Variants in WDFY1 observed in about 807,000 individuals in gnomAD.
WDFY1 encodes the protein WD repeat and FYVE domain-containing protein 1.
In WDFY1, 32 loss-of-function variants were observed where a neutral mutation model predicts 56.4. The observed-to-expected ratio is 0.57, with a 90% CI of 0.43 to 0.76. The LOEUF (loss-of-function observed/expected upper bound fraction) is 0.76, where lower values mean the gene tolerates loss of function less well. WDFY1 is among the 30% of genes least tolerant of loss of function. The pLI is 0.00. For missense variants in WDFY1, 480 were observed against 545.7 expected, an observed-to-expected ratio of 0.88 and a Z score of 1.20; for synonymous variants, 192 against 197.3, an observed-to-expected ratio of 0.97 and a Z score of 0.23.
rs920710357 is a variant in WDFY1, at chr2:223,888,448, C to T, written c.832-3699G>A. Among the ~76,000 whole-genome samples, 3 of 152,162 alleles carry T rather than the reference C, an allele frequency of 2.0e-5. No individual in the cohort carries two copies. The South Asian group carries it at 6.2e-4, about 31-fold the overall frequency. ...TCAATTACCCAGAGCATTCCTTTAACACAAAAGGCCTCTATCTCCAGCAAT... is the reference window on the plus strand; with the variant it reads ...TCAATTACCCAGAGCATTCCTTTAATACAAAAGGCCTCTATCTCCAGCAAT... On this transcript the variant is annotated intron_variant, in intron 8 of 11. Coordinates refer to ENST00000233055, the MANE Select transcript of WDFY1 (RefSeq NM_020830.5).
intron 2 of WDFY1, among the ~76,000 whole-genome samples, chr2:223,913,882 G>A (rs1385895869): frequency 6.6e-6 from 1 of 151,378 alleles, no homozygotes; most frequent in Non-Finnish European, 1.5e-5. Context: ...TAATATCCTG[G>A]CTCTCTCCCT....
chr2:223,906,226 G>C (rs1467573322), intron 3 of WDFY1, among the ~76,000 whole-genome samples: 1 of 152,194 alleles, frequency 6.6e-6, no homozygotes, highest in African/African-American at 2.4e-5. Flanking sequence ...AAGTGCTGCT[G>C]ATCAGCATGG....
intron 1 of WDFY1, among the ~76,000 whole-genome samples, 186 bp from the exon 2 acceptor site, chr2:223,918,196 TTATA>T (rs1003285552): frequency 1.3e-5 from 2 of 151,782 alleles, no homozygotes; most frequent in African/African-American, 2.4e-5. Context: ...AACATATATA[TTATA>T]TACAGATACA....
intron 7 of WDFY1, 39 bp from the exon 8 acceptor site, chr2:223,894,378 G>A (rs768088759): frequency 1.2e-5 from 20 of 1,604,052 alleles, no homozygotes; most frequent in South Asian, 3.3e-5. Flanking sequence ...GTCTCCATGC[G>A]GAAAAACACA....
intron 6 of WDFY1, among the ~76,000 whole-genome samples, chr2:223,898,424 G>C (rs1003627648): frequency 1.3e-5 from 2 of 152,046 alleles, no homozygotes; most frequent in East Asian, 3.9e-4. Context: ...TTTTGAGACA[G>C]AGTCTCACTC....
chr2:223,886,292 T>A (rs1693173122), intron 8 of WDFY1, among the ~76,000 whole-genome samples: 1 of 151,848 alleles, frequency 6.6e-6, no homozygotes, highest in Admixed American at 6.6e-5. Flanking sequence ...TGAGCCAAGA[T>A]CATGCCATTG....
chr2:223,938,497 TCTTAAA>T (rs1689241138), intron 1 of WDFY1, among the ~76,000 whole-genome samples: 1 of 152,188 alleles, frequency 6.6e-6, no homozygotes, highest in African/African-American at 2.4e-5. Context: ...TAGTTCAAAT[TCTTAAA>T]CTTAAATTTA....
intron 3 of WDFY1, among the ~76,000 whole-genome samples, chr2:223,907,395 T>G (rs1693615473): frequency 6.6e-6 from 1 of 152,212 alleles, no homozygotes; most frequent in Admixed American, 6.5e-5. Flanking sequence ...TCCATCTTGT[T>G]TTTGTAAAGT....
At chr2:223,896,986 C>T (rs1693392241) in intron 6 of WDFY1, among the ~76,000 whole-genome samples, 1 of 152,146 alleles carries the variant, frequency 6.6e-6, no homozygotes, top group African/African-American at 2.4e-5. Flanking sequence ...TAGTCATAAA[C>T]AGAAAGTGGT....
At chr2:223,940,738 G>A (rs566930877) in intron 1 of WDFY1, among the ~76,000 whole-genome samples, 1 of 152,126 alleles carries the variant, frequency 6.6e-6, no homozygotes, top group African/African-American at 2.4e-5. Flanking sequence ...CGCCTCCCAG[G>A]TTCAAGTGAT....
In WDFY1 at chr2:223,945,239, G is replaced by A; in HGVS notation, c.46C>T (p.Leu16=). The A allele has an allele frequency of 6.3e-7, 1 of 1,591,952 alleles. No individual in the cohort carries two copies. Among genetic ancestry groups the A allele is most frequent in the Middle Eastern group, 1.8e-4 (1 of 5,598 alleles). The change falls in exon 1 of 12, where the codon CTG becomes TTG. Residue 16 remains leucine, a synonymous_variant. Coordinates refer to ENST00000233055, the MANE Select transcript of WDFY1 (RefSeq NM_020830.5). ...TGGTGCCCCTCGATCTTGCTCAGCAGCACCGGGCGGCTGCTCTGCGGCCTG... is the reference window on the plus strand; with the variant it reads ...TGGTGCCCCTCGATCTTGCTCAGCAACACCGGGCGGCTGCTCTGCGGCCTG... ...HSRPQSSRPV[L]LSKIEGHQDA...
At chr2:223,919,578 C>T (rs377656274) in intron 1 of WDFY1, among the ~76,000 whole-genome samples, 330 of 152,254 alleles carry the variant, frequency 2.2e-3, no homozygotes, top group Non-Finnish European at 4.2e-3. Flanking sequence ...GGTGCAATCA[C>T]GGCTCATAGC....
At chr2:223,921,715 T>G (rs992905570) in intron 1 of WDFY1, among the ~76,000 whole-genome samples, 7 of 152,114 alleles carry the variant, frequency 4.6e-5, no homozygotes, top group Non-Finnish European at 8.8e-5. Flanking sequence ...CTCAGCCTCC[T>G]GAGCAGCTGG....
intron 1 of WDFY1, among the ~76,000 whole-genome samples, chr2:223,934,298 C>T (rs1393420241): frequency 6.6e-6 from 1 of 151,906 alleles, no homozygotes; most frequent in East Asian, 2.0e-4. Flanking sequence ...ACCACATTGG[C>T]CAGGCTGGTG....
intron 3 of WDFY1, among the ~76,000 whole-genome samples, chr2:223,907,131 C>A (rs1216545023): frequency 6.6e-6 from 1 of 151,938 alleles, no homozygotes; most frequent in African/African-American, 2.4e-5. Flanking sequence ...CATGCCACCA[C>A]ACCCGGCTAA....
At position 223,912,225 on chromosome 2, in the gene WDFY1, C is replaced by T. The variant is rs1559170129; in HGVS notation, c.279+28G>A. The T allele has an allele frequency of 2.5e-6, 4 of 1,588,172 alleles. No homozygotes were observed. The South Asian group carries it at 4.6e-5, about 18-fold the overall frequency. On this transcript the variant is annotated intron_variant, in intron 3 of 11. Coordinates refer to ENST00000233055, the MANE Select transcript of WDFY1 (RefSeq NM_020830.5). The stretch of plus-strand genomic sequence containing the variant: ...TATAAAGAATATAATATAAAGAATA[C>T]AATAAATACATTCTAAAAGCTACCT...
rs1343962206 is a variant in WDFY1 at position 223,888,680 on chromosome 2, G to A, written c.832-3931C>T. 3.4e-5 allele frequency among the ~76,000 whole-genome samples: 5 copies of A among 145,682 alleles called. No individual in the cohort carries two copies. The South Asian group carries it at 6.5e-4, about 19-fold the overall frequency. Reference sequence around the variant, plus strand: ...CGGCTCACTGCAACCTCTGCCTCCCGGGTTCAAGCAATTCTCCTGCCTCAG... The same window carrying A: ...CGGCTCACTGCAACCTCTGCCTCCCAGGTTCAAGCAATTCTCCTGCCTCAG... On this transcript the variant is annotated intron_variant, in intron 8 of 11. Coordinates refer to ENST00000233055, the MANE Select transcript of WDFY1 (RefSeq NM_020830.5).
At chr2:223,879,315 T>C (rs75060283) in intron 11 of WDFY1, among the ~76,000 whole-genome samples, 1 of 152,202 alleles carries the variant, frequency 6.6e-6, no homozygotes, top group Non-Finnish European at 1.5e-5. Context: ...ATTTTTTTTT[T>C]AGAAAAGCCC....
chr2:223,906,030 T>C (rs1559168430), intron 3 of WDFY1, 29 bp from the exon 4 acceptor site: 1 of 1,492,142 alleles, frequency 6.7e-7, no homozygotes, highest in Non-Finnish European at 9.0e-7. Context: ...AATAAAAAAT[T>C]AAAAGAGTTA....
Sources: allele counts gnomAD v4.1 joint callset (sites outside exome capture counted in the v4.1 genomes callset), GRCh38; gene constraint gnomAD v4.1.1; transcripts MANE v1.5; gene names NCBI Gene and HGNC (gene_info 2026-07-23, HGNC 2026-07-21).